Variants in PCDHGA5 observed in about 807,000 individuals in gnomAD.
PCDHGA5 encodes the protein protocadherin gamma-A5.
PCDHGA5 carries 36 observed loss-of-function variants against 56.7 expected under a neutral mutation model. The observed-to-expected ratio is 0.64, with a 90% CI of 0.49 to 0.84. The LOEUF is 0.84. Ranked by LOEUF, PCDHGA5 falls within the 40% of genes least tolerant of loss-of-function variation. PCDHGA5 has a pLI of 0.00. For synonymous variants in PCDHGA5, 563 were observed against 520.2 expected (o/e 1.08, Z -1.12); for missense variants, 1,305 against 1,201.5 (o/e 1.09, Z -1.27).
At chr5:141,450,006 C>CTATTTTTTTTT (rs70988802) in intron 1 of PCDHGA5, among the ~76,000 whole-genome samples, 2 of 132,964 alleles carry the variant, frequency 1.5e-5, no homozygotes, top group African/African-American at 2.8e-5. Flanking sequence ...TGCCATGTCT[C>CTATTTTTTTTT]TTTTTTTTTT....
At chr5:141,386,407 G>T (rs2090565915) in intron 1 of PCDHGA5, among the ~76,000 whole-genome samples, 1 of 152,034 alleles carries the variant, frequency 6.6e-6, no homozygotes, top group Non-Finnish European at 1.5e-5. Flanking sequence ...GCCAGGTATG[G>T]TGTTGCAAGC....
chr5:141,511,129 G>A lies in PCDHGA5; in HGVS notation c.2752G>A (p.Gly918Ser). ...GCGGGATGGCAAGGCCCCAGCAGGT[G>A]GCAATGGCAACAAGAAGAAGTCGGG... ...GKRDGKAPAGGNGNKKKSGKK... is the reference protein window; with the variant it reads ...GKRDGKAPAGSNGNKKKSGKK... Residue 918 changes from glycine to serine, a missense_variant, in exon 4 of 4, where the codon GGC becomes AGC. By Grantham distance (56) the Gly-to-Ser change is moderately conservative. Coordinates refer to ENST00000518069, the MANE Select transcript of PCDHGA5 (RefSeq NM_018918.3). 1 of 1,614,204 alleles carries A rather than the reference G, an allele frequency of 6.2e-7. No individual in the cohort carries two copies. Among genetic ancestry groups the A allele is most frequent in the Non-Finnish European group, 8.5e-7 (1 of 1,180,014 alleles).
chr5:141,465,881 G>T (rs1000308014), intron 1 of PCDHGA5, among the ~76,000 whole-genome samples: 1 of 151,960 alleles, frequency 6.6e-6, no homozygotes, highest in African/African-American at 2.4e-5. Flanking sequence ...CCAGCACTTT[G>T]GGAGGCCGAG....
chr5:141,502,331 G>C lies in PCDHGA5; in HGVS notation c.2481-3062G>C, dbSNP rs555959890. ...TCCTTTAATCTGGAGCCAGCTCCCA[G>C]TCTTTTTATTTTTTTAATGACATGG... On this transcript the variant is annotated intron_variant, in intron 2 of 3. Transcript: ENST00000518069. Among the ~76,000 whole-genome samples, 42 of 152,102 alleles carry C rather than the reference G, an allele frequency of 2.8e-4. No individual in the cohort carries two copies. The South Asian group carries it at 6.2e-3, about 23-fold the overall frequency.
intron 1 of PCDHGA5, among the ~76,000 whole-genome samples, chr5:141,449,579 ACT>A (rs370512396): frequency 0.052 from 7,360 of 141,924 alleles, 400 homozygotes; most frequent in African/African-American, 0.14. Flanking sequence ...ACAGAGCAAG[ACT>A]CTGTCTCAAA....
rs759642890 is a variant in PCDHGA5 at position 141,389,812 on chromosome 5, C to A, written c.2421+23061C>A. ...GCCGTCCGCCAGCGCCTTCTGGTCG[C>A]CGTGCGTGACGGTGGACAGCCACCA... On this transcript the variant is annotated intron_variant, in intron 1 of 3. Transcript: ENST00000518069. 6.8e-6 allele frequency: 11 copies of A among 1,613,768 alleles called. No individual in the cohort carries two copies. The South Asian group carries it at 1.2e-4, about 18-fold the overall frequency.
At chr5:141,429,297 T>C (rs985228754) in intron 1 of PCDHGA5, 7 of 152,208 alleles carry the variant, frequency 4.6e-5, no homozygotes, top group Admixed American at 3.3e-4. Flanking sequence ...GGGACATCAA[T>C]ATTTGAGTAT....
Position 141,415,740 on chromosome 5 carries a change from GTTTTTTTTTTTTTTTT to G in PCDHGA5, c.2421+49006_2421+49021del, listed in dbSNP as rs57426385. 54 of 625,040 alleles carry G rather than the reference GTTTTTTTTTTTTTTTT, an allele frequency of 8.6e-5. 1 individual carries two copies. The East Asian group carries it at 1.4e-3, about 16-fold the overall frequency. The allele number at this position is 625,040 out of a possible 1,614,324, so 38.7% of individuals were successfully genotyped here. ...TGAGTAGAATTTGATGTTTATTAAG[GTTTTTTTTTTTTTTTT>G]TTTTTTTTTTTTTTTTACTTTCTGG... On this transcript the variant is annotated intron_variant, in intron 1 of 3. Transcript: ENST00000518069.
At chr5:141,510,917 C>G in intron 3 of PCDHGA5, 30 bp from the exon 4 acceptor site, 1 of 1,613,854 alleles carries the variant, frequency 6.2e-7, no homozygotes, top group Non-Finnish European at 8.5e-7. Flanking sequence ...CTAAGTTTAG[C>G]TCCCACCTGA....
At chr5:141,438,834 T>A (rs915381229) in intron 1 of PCDHGA5, among the ~76,000 whole-genome samples, 5 of 150,606 alleles carry the variant, frequency 3.3e-5, no homozygotes, top group South Asian at 2.1e-4. Context: ...GCTAATTTTT[T>A]AAAATATTTT....
At chr5:141,384,254 T>A in intron 1 of PCDHGA5, 3 of 1,613,674 alleles carry the variant, frequency 1.9e-6, no homozygotes, top group Non-Finnish European at 2.5e-6. Context: ...CCACCCACCT[T>A]CCCCCACTCA....
Position 141,491,422 on chromosome 5 carries a change from G to A in PCDHGA5, c.2422-3385G>A. 1 of 1,614,112 alleles carries A rather than the reference G, an allele frequency of 6.2e-7. No individual in the cohort carries two copies. Among genetic ancestry groups the A allele is most frequent in the East Asian group, 2.2e-5 (1 of 44,874 alleles). On this transcript the variant is annotated intron_variant, in intron 1 of 3. Coordinates refer to ENST00000518069, the MANE Select transcript of PCDHGA5 (RefSeq NM_018918.3). The surrounding 1 kb of genome is among the most constrained non-coding windows in gnomAD (Gnocchi z 6.9). The stretch of plus-strand genomic sequence containing the variant: ...AAACGCAGACGGGGACGGGGGTGGA[G>A]GGCAGTGCTGCAGGCGCCAGGACTC...
chr5:141,370,143 C>G (rs931664549), intron 1 of PCDHGA5: 1 of 431,310 alleles, frequency 2.3e-6, no homozygotes, highest in African/African-American at 2.0e-5. Context: ...ATTTAGTCAC[C>G]ATTACTGCAG....
At chr5:141,413,855 C>G (rs2095686270) in intron 1 of PCDHGA5, 1 of 1,613,206 alleles carries the variant, frequency 6.2e-7, no homozygotes, top group African/African-American at 1.3e-5. Flanking sequence ...CCTCTCCGAT[C>G]TGGCACTGTC....
chr5:141,386,522 C>CG (rs1554089719), intron 1 of PCDHGA5, among the ~76,000 whole-genome samples: 3 of 152,174 alleles, frequency 2.0e-5, no homozygotes, highest in Admixed American at 2.0e-4. Context: ...CAAAAAAAGA[C>CG]TCTTTTTAGA....
In PCDHGA5 at chr5:141,485,132, T is replaced by C. The variant is rs1020670896; in HGVS notation, c.2422-9675T>C. On this transcript the variant is annotated intron_variant, in intron 1 of 3. Transcript: ENST00000518069. This position sits in a 1 kb window ranked among gnomAD's most constrained non-coding sequence, Gnocchi z 5.7. ...GGCTGTTTGGGGCGGGTCGGCTTCATCCGCGTCTCAGGAGCAAGTAGAGAA... is the reference window on the plus strand; with the variant it reads ...GGCTGTTTGGGGCGGGTCGGCTTCACCCGCGTCTCAGGAGCAAGTAGAGAA... 8.1e-6 allele frequency: 12 copies of C among 1,489,136 alleles called. No individual in the cohort carries two copies. Among genetic ancestry groups the C allele is most frequent in the East Asian group, 2.3e-5 (1 of 44,214 alleles). The allele number at this position is 1,489,136 out of a possible 1,614,324, so 92.2% of individuals were successfully genotyped here.
chr5:141,419,645 G>T, intron 1 of PCDHGA5: 1 of 1,612,478 alleles, frequency 6.2e-7, no homozygotes, highest in African/African-American at 1.3e-5. Context: ...GGCCGTGGAC[G>T]CGGACTCGGG....
chr5:141,457,481 G>T (rs990111430), intron 1 of PCDHGA5, among the ~76,000 whole-genome samples: 1 of 152,212 alleles, frequency 6.6e-6, no homozygotes, highest in African/African-American at 2.4e-5. Context: ...CAGGGCCAGG[G>T]TTAGTCTAAA....
chr5:141,395,372 G>A, intron 1 of PCDHGA5: 2 of 1,191,834 alleles, frequency 1.7e-6, no homozygotes, highest in Non-Finnish European at 2.3e-6. Flanking sequence ...TTATTTTGGT[G>A]GTGTTACTAT....
Sources: allele counts gnomAD v4.1 joint callset (sites outside exome capture counted in the v4.1 genomes callset), GRCh38; gene constraint gnomAD v4.1.1; non-coding constraint Gnocchi (gnomAD v3.1); transcripts MANE v1.5; gene names NCBI Gene and HGNC (gene_info 2026-07-23, HGNC 2026-07-21).